ARHGAP10: variants seen among roughly 807,000 people sequenced by gnomAD.
ARHGAP10 encodes rho GTPase-activating protein 10.
ARHGAP10 carries 87 observed loss-of-function variants against 108.6 expected under a neutral mutation model. The observed-to-expected ratio is 0.80, with a 90% confidence interval of 0.67 to 0.96. ARHGAP10 has a LOEUF of 0.96. Ranked by LOEUF, ARHGAP10 falls within the 40% of genes least tolerant of loss-of-function variation. The pLI is 0.00. For missense variants in ARHGAP10, 939 were observed against 954.5 expected (o/e 0.98, Z 0.21); for synonymous variants, 347 against 341.1 (o/e 1.02, Z -0.19).
chr4:148,023,339 G>A lies in ARHGAP10; in HGVS notation c.1793G>A (p.Arg598Lys), dbSNP rs770322196. The A allele has an allele frequency of 1.4e-5, 22 of 1,614,092 alleles. No individual in the cohort carries two copies. Among genetic ancestry groups the A allele is most frequent in the Non-Finnish European group, 1.9e-5 (22 of 1,180,044 alleles). The change falls in exon 19 of 23, where the codon AGG becomes AAG. Residue 598 changes from arginine (R) to lysine (K), a missense_variant. By Grantham distance (26) the Arg-to-Lys change is conservative (BLOSUM62 2). Coordinates refer to ENST00000336498, the MANE Select transcript of ARHGAP10 (RefSeq NM_024605.4). ...LSASPPNAPP[R>K]QSKRQGQRTK... ...GCATCACCCCCAAATGCGCCACCAA[G>A]GCAGTCGAAGAGACAAGGCCAGAGA...
intron 3 of ARHGAP10, among the ~76,000 whole-genome samples, chr4:147,839,142 A>ATCTATCTGTCTGTCTGTCTG (rs374128534): frequency 8.5e-6 from 1 of 117,750 alleles, no homozygotes; most frequent in Non-Finnish European, 1.9e-5. Flanking sequence ...CTATCTATCT[A>ATCTATCTGTCTGTCTGTCTG]TCTGTCTGTC....
intron 14 of ARHGAP10, among the ~76,000 whole-genome samples, chr4:147,941,466 C>T (rs1193873322): frequency 1.3e-5 from 2 of 152,166 alleles, no homozygotes; most frequent in Non-Finnish European, 1.5e-5. Context: ...TCAAAAAATT[C>T]GTGACCTGGA....
intron 5 of ARHGAP10, chr4:147,864,158 G>A (rs1439985200): frequency 6.6e-6 from 1 of 152,272 alleles, no homozygotes; most frequent in Non-Finnish European, 1.5e-5. Flanking sequence ...ACTATTCTCT[G>A]TGGAGTCCTG....
intron 1 of ARHGAP10, among the ~76,000 whole-genome samples, chr4:147,741,696 TACAC>T (rs372675564): frequency 2.0e-5 from 3 of 150,144 alleles, no homozygotes; most frequent in Non-Finnish European, 3.0e-5. Context: ...TATAAACACA[TACAC>T]ACACACACAG....
chr4:147,947,494 C>T (rs944663275), intron 15 of ARHGAP10, among the ~76,000 whole-genome samples: 1 of 151,756 alleles, frequency 6.6e-6, no homozygotes, highest in African/African-American at 2.4e-5. Context: ...CCTCTGCCTC[C>T]CAGGTTCAAT....
chr4:147,733,535 T>C (rs748738299), intron 1 of ARHGAP10, among the ~76,000 whole-genome samples: 8 of 152,192 alleles, frequency 5.3e-5, no homozygotes, highest in Non-Finnish European at 1.2e-4. Context: ...TCAGTAATTC[T>C]CAGCCTTAGG....
intron 1 of ARHGAP10, 33 bp from the exon 2 acceptor site, chr4:147,822,694 G>A (rs774641404): frequency 1.9e-6 from 3 of 1,592,516 alleles, no homozygotes; most frequent in South Asian, 2.2e-5. Context: ...CATAAAACAA[G>A]AACCCAAGTC....
rs774458424 is a variant in ARHGAP10, at chr4:147,909,751, C to T, written c.1136C>T (p.Thr379Ile). ...GKEALSHSFN[T>I]AIIPRPEGNA... ...TATTAGCTGTCCCATAGTTTTAATACAGCCATCATCCCAAGACCAGAAGGA... is the reference window on the plus strand; with the variant it reads ...TATTAGCTGTCCCATAGTTTTAATATAGCCATCATCCCAAGACCAGAAGGA... The change falls in exon 12 of 23, where the codon ACA (threonine) becomes ATA (isoleucine). Residue 379 changes from threonine to isoleucine, a missense_variant. Coordinates refer to ENST00000336498, the MANE Select transcript of ARHGAP10 (RefSeq NM_024605.4). 7 of 1,611,954 alleles carry T rather than the reference C, an allele frequency of 4.3e-6. No homozygotes were observed. In the Admixed American group the frequency reaches 1.2e-4, roughly 27 times the overall value.
intron 13 of ARHGAP10, 77 bp downstream of exon 13, chr4:147,913,216 C>G: frequency 7.6e-7 from 1 of 1,314,430 alleles, no homozygotes; most frequent in Non-Finnish European, 1.1e-6. Context: ...ATACTTCTTG[C>G]TTTTAAGTGT....
intron 20 of ARHGAP10, among the ~76,000 whole-genome samples, chr4:148,053,855 C>T (rs1194455713): frequency 3.9e-5 from 6 of 152,138 alleles, no homozygotes; most frequent in Non-Finnish European, 5.9e-5. Context: ...TGGCCTAATT[C>T]GTGCCTTCCT....
intron 1 of ARHGAP10, among the ~76,000 whole-genome samples, chr4:147,813,006 A>G (rs1732092672): frequency 6.6e-6 from 1 of 152,116 alleles, no homozygotes; most frequent in Non-Finnish European, 1.5e-5. Flanking sequence ...GTGTGAAACA[A>G]TTTTCCAGTT....
intron 18 of ARHGAP10, among the ~76,000 whole-genome samples, chr4:147,999,944 ATTATACT>A (rs1740632290): frequency 1.3e-5 from 2 of 150,614 alleles, no homozygotes; most frequent in South Asian, 4.2e-4. Flanking sequence ...TTTTTTTTAA[ATTATACT>A]TTAGTAGGGT....
At chr4:147,777,587 G>A (rs1003678021) in intron 1 of ARHGAP10, among the ~76,000 whole-genome samples, 1 of 152,052 alleles carries the variant, frequency 6.6e-6, no homozygotes, top group African/African-American at 2.4e-5. Context: ...TTGACCTCAC[G>A]TTGAACCTAA....
intron 7 of ARHGAP10, among the ~76,000 whole-genome samples, chr4:147,870,823 A>C (rs912567418): frequency 6.6e-6 from 1 of 152,188 alleles, no homozygotes; most frequent in Non-Finnish European, 1.5e-5. Context: ...AGGATTTGTA[A>C]AGAGTCCCTA....
At chr4:147,888,568 C>T (rs940349366) in intron 10 of ARHGAP10, among the ~76,000 whole-genome samples, 2 of 152,052 alleles carry the variant, frequency 1.3e-5, no homozygotes, top group Non-Finnish European at 2.9e-5. Flanking sequence ...TTCTAAAGCT[C>T]CTTGGTTAAC....
chr4:147,732,403 G>C lies in ARHGAP10; in HGVS notation c.102G>C (p.Lys34Asn). ...AHEAELERTN[K>N]FIKELIKDGK... Reference sequence around the variant, plus strand: ...AAGCGGAACTCGAGAGGACCAACAAGTTCATCAAAGAGCTCATTAAGGACG... The same window carrying C: ...AAGCGGAACTCGAGAGGACCAACAACTTCATCAAAGAGCTCATTAAGGACG... Residue 34 changes from lysine (K) to asparagine (N), a missense_variant, in exon 1 of 23, where the codon AAG becomes AAC. Transcript: ENST00000336498. 3 of 1,613,396 alleles carry C rather than the reference G, an allele frequency of 1.9e-6. No homozygotes were observed. The highest frequency in any genetic ancestry group is 2.5e-6 in the Non-Finnish European group (3 of 1,179,630).
At chr4:147,737,521 A>G (rs904356024) in intron 1 of ARHGAP10, among the ~76,000 whole-genome samples, 1 of 152,174 alleles carries the variant, frequency 6.6e-6, no homozygotes, top group African/African-American at 2.4e-5. Context: ...ATCAAGTGGA[A>G]TTTAGAGAGA....
chr4:147,973,959 T>C (rs1739503703), intron 18 of ARHGAP10, among the ~76,000 whole-genome samples: 2 of 152,240 alleles, frequency 1.3e-5, no homozygotes, highest in South Asian at 4.1e-4. Context: ...CTTAGGATGC[T>C]TCCAAATCTT....
At chr4:147,855,851 G>T (rs1734064832) in intron 4 of ARHGAP10, among the ~76,000 whole-genome samples, 1 of 152,150 alleles carries the variant, frequency 6.6e-6, no homozygotes, top group South Asian at 2.1e-4. Context: ...TGGGTTTCCA[G>T]AAGAACAGCG....
Sources: gnomAD v4.1 joint callset for allele counts (sites outside exome capture counted in the v4.1 genomes callset) on GRCh38, gnomAD v4.1.1 for gene constraint, MANE v1.5 for transcripts, NCBI Gene and HGNC (gene_info 2026-07-23, HGNC 2026-07-21) for gene names.